The following DISP1 variants were observed in gnomAD, a reference collection of about 807,000 sequenced individuals.
The protein encoded by DISP1 is protein dispatched homolog 1.
A neutral mutation model predicts 37.3 loss-of-function variants in DISP1; 30 were observed. The ratio of observed to expected loss-of-function variants is 0.80; its 90% CI spans 0.60 to 1.09. The LOEUF is 1.09. Among genes scored for constraint, DISP1 ranks in the 50% least tolerant of loss-of-function variants. The pLI is 0.00. For synonymous variants in DISP1, 634 were observed against 690.2 expected, an observed-to-expected ratio of 0.92 and a Z score of 1.28; for missense variants, 1,598 against 1,879.5, an observed-to-expected ratio of 0.85 and a Z score of 2.77.
chr1:222,936,877 A>G (rs532961655), intron 2 of DISP1, among the ~76,000 whole-genome samples: 26 of 60,276 alleles, frequency 4.3e-4, no homozygotes, highest in African/African-American at 1.6e-3. Context: ...TATCATATAT[A>G]TGATATATAT....
chr1:223,002,004 A>G (rs1054662333), intron 8 of DISP1, among the ~76,000 whole-genome samples: 2 of 152,236 alleles, frequency 1.3e-5, no homozygotes, highest in South Asian at 2.1e-4. Context: ...CTATGCATGT[A>G]TATACATAAG....
intron 3 of DISP1, among the ~76,000 whole-genome samples, chr1:222,982,207 G>A (rs1271370885): frequency 1.3e-5 from 2 of 152,122 alleles, no homozygotes; most frequent in East Asian, 3.9e-4. Flanking sequence ...GCAATCTATG[G>A]CAATATGCCA....
At chr1:222,897,771 T>G (rs1671348997) in intron 1 of DISP1, among the ~76,000 whole-genome samples, 2 of 152,284 alleles carry the variant, frequency 1.3e-5, no homozygotes, top group South Asian at 4.1e-4. Context: ...CATTTGAATG[T>G]TTTTATTTTA....
intron 3 of DISP1, among the ~76,000 whole-genome samples, chr1:222,975,027 A>G (rs948461893): frequency 7.9e-5 from 12 of 152,150 alleles, no homozygotes; most frequent in African/African-American, 2.9e-4. Context: ...TACTTACAGC[A>G]CTTTTTTGCT....
intron 1 of DISP1, among the ~76,000 whole-genome samples, chr1:222,892,399 T>A (rs1226651960): frequency 6.6e-6 from 1 of 152,192 alleles, no homozygotes; most frequent in African/African-American, 2.4e-5. Context: ...TTCTTGCAAA[T>A]AACGTAAGTA....
At chr1:222,817,810 A>C (rs1661630821) in intron 1 of DISP1, among the ~76,000 whole-genome samples, 1 of 152,252 alleles carries the variant, frequency 6.6e-6, no homozygotes. Flanking sequence ...GGCCCTGTCC[A>C]TTCTGCTGAA....
At chr1:222,837,028 G>A (rs1001716982) in intron 1 of DISP1, 6 of 398,330 alleles carry the variant, frequency 1.5e-5, no homozygotes, top group African/African-American at 1.2e-4. Context: ...TGAAGTTTAA[G>A]CTAGCCCATG....
At chr1:222,815,653 T>G (rs1433308502) in intron 1 of DISP1, among the ~76,000 whole-genome samples, 2 of 152,214 alleles carry the variant, frequency 1.3e-5, no homozygotes, top group African/African-American at 2.4e-5. Flanking sequence ...CGTGTGGATT[T>G]CGGGAAAATA....
chr1:222,942,392 A>C (rs750093895), intron 2 of DISP1, among the ~76,000 whole-genome samples: 2 of 152,100 alleles, frequency 1.3e-5, no homozygotes, highest in Non-Finnish European at 2.9e-5. Flanking sequence ...GTGGCCCTTC[A>C]TTTTGCCCGT....
Position 222,851,909 on chromosome 1 carries a change from G to A in DISP1, c.-159+36831G>A, listed in dbSNP as rs138091009. Among the ~76,000 whole-genome samples the A allele has an allele frequency of 2.9e-3, 434 of 152,176 alleles. 5 individuals are homozygous for A. In the East Asian group the frequency reaches 0.03, roughly 10 times the overall value. On this transcript the variant is annotated intron_variant, in intron 1 of 8. Coordinates refer to ENST00000675850, the MANE Select transcript of DISP1 (RefSeq NM_001377229.1). ...TAGTTATAAATTTGCTAGAGGCCAG[G>A]CACAGTGGCTCACATCTGTAATCCC...
intron 1 of DISP1, among the ~76,000 whole-genome samples, chr1:222,866,083 C>G (rs1395584255): frequency 1.3e-5 from 2 of 152,092 alleles, no homozygotes; most frequent in East Asian, 3.9e-4. Flanking sequence ...GTCTAGTTCT[C>G]CCTGCTTACT....
chr1:222,891,593 G>T (rs1670945993), intron 1 of DISP1, among the ~76,000 whole-genome samples: 1 of 152,026 alleles, frequency 6.6e-6, no homozygotes. Context: ...CAAAAAAGCA[G>T]GAAAAACAAT....
At chr1:222,864,451 C>G (rs914333385) in intron 1 of DISP1, among the ~76,000 whole-genome samples, 1 of 151,992 alleles carries the variant, frequency 6.6e-6, no homozygotes, top group Non-Finnish European at 1.5e-5. Flanking sequence ...TTTGAACCAC[C>G]TGAGAAACGA....
intron 1 of DISP1, among the ~76,000 whole-genome samples, chr1:222,847,085 A>G (rs543358760): frequency 6.6e-6 from 1 of 152,206 alleles, no homozygotes; most frequent in Non-Finnish European, 1.5e-5. Flanking sequence ...GTTTGTCTAG[A>G]TATGCAGACA....
intron 1 of DISP1, among the ~76,000 whole-genome samples, chr1:222,924,719 T>C (rs1672984939): frequency 6.6e-6 from 1 of 152,064 alleles, no homozygotes; most frequent in African/African-American, 2.4e-5. Context: ...TACCACAGTT[T>C]ACTTGTTCAT....
intron 3 of DISP1, among the ~76,000 whole-genome samples, chr1:222,962,549 C>G (rs775863874): frequency 2.6e-5 from 4 of 152,162 alleles, no homozygotes; most frequent in African/African-American, 4.8e-5. Context: ...GCTACAGTAA[C>G]CAAAACAGCA....
chr1:222,828,197 A>G (rs1333049753), intron 1 of DISP1, among the ~76,000 whole-genome samples: 2 of 152,360 alleles, frequency 1.3e-5, no homozygotes, highest in African/African-American at 4.8e-5. Flanking sequence ...ATTTATGCCC[A>G]GAATATCTGA....
intron 1 of DISP1, among the ~76,000 whole-genome samples, chr1:222,871,271 T>C (rs1462658573): frequency 6.6e-6 from 1 of 152,118 alleles, no homozygotes; most frequent in Non-Finnish European, 1.5e-5. Context: ...CTTGGCAATG[T>C]GGGCTCTTTT....
chr1:222,885,241 T>G (rs1670523382), intron 1 of DISP1, among the ~76,000 whole-genome samples: 1 of 152,220 alleles, frequency 6.6e-6, no homozygotes, highest in South Asian at 2.1e-4. Flanking sequence ...TATGGCCTCA[T>G]GAATATTTAT....
Sources: gnomAD v4.1 joint callset for allele counts (sites outside exome capture counted in the v4.1 genomes callset) on GRCh38, gnomAD v4.1.1 for gene constraint, MANE v1.5 for transcripts, NCBI Gene and HGNC (gene_info 2026-07-23, HGNC 2026-07-21) for gene names.